The following TDRD3 variants were observed in gnomAD, a reference collection of about 807,000 sequenced individuals.
The protein encoded by TDRD3 is tudor domain-containing protein 3.
TDRD3 carries 45 observed loss-of-function variants against 86.7 expected under a neutral mutation model. The ratio of observed to expected loss-of-function variants is 0.52; its 90% CI spans 0.41 to 0.67. TDRD3 has a LOEUF of 0.67. Ranked by LOEUF, TDRD3 falls within the 30% of genes least tolerant of loss-of-function variation. The pLI, the probability that TDRD3 is intolerant of heterozygous loss-of-function variation, is 0.00. For synonymous variants in TDRD3, 298 were observed against 301.7 expected (o/e 0.99, Z 0.13); for missense variants, 814 against 889.0 (o/e 0.92, Z 1.07).
intron 10 of TDRD3, among the ~76,000 whole-genome samples, chr13:60,525,100 A>C (rs1477712984): frequency 6.7e-6 from 1 of 149,464 alleles, no homozygotes; most frequent in Non-Finnish European, 1.5e-5. Context: ...AAAAAAAAAA[A>C]AAAAAAAAAC....
At chr13:60,468,245 G>A (rs575262470) in intron 5 of TDRD3, among the ~76,000 whole-genome samples, 13 of 152,032 alleles carry the variant, frequency 8.6e-5, no homozygotes, top group Non-Finnish European at 1.6e-4. Flanking sequence ...GAGTTGCTTC[G>A]TCTTTCTTTG....
At chr13:60,547,424 G>A in intron 12 of TDRD3, 1 of 985,332 alleles carries the variant, frequency 1.0e-6, no homozygotes, top group Non-Finnish European at 1.2e-6. Context: ...AGCTGGAAAT[G>A]CACAGGAGGA....
At chr13:60,442,430 G>T (rs1955303102) in intron 2 of TDRD3, among the ~76,000 whole-genome samples, 1 of 151,764 alleles carries the variant, frequency 6.6e-6, no homozygotes, top group East Asian at 1.9e-4. Context: ...TGGGTAGGTA[G>T]ATGCTTTGAA....
At position 60,569,325 on chromosome 13, in the gene TDRD3, C is replaced by T. The variant is rs973603897; in HGVS notation, c.*9+1675C>T. Among the ~76,000 whole-genome samples, 17 of 152,068 alleles carry T rather than the reference C, an allele frequency of 1.1e-4. No homozygotes were observed. In the South Asian group the frequency reaches 2.3e-3, roughly 20 times the overall value. On this transcript the variant is annotated intron_variant, in intron 13 of 13. Transcript: ENST00000377881. ...AAGAAAGTAATCCCAATTAAAATAGCTACAAATACAATAAAACACCTAGGA... is the reference window on the plus strand; with the variant it reads ...AAGAAAGTAATCCCAATTAAAATAGTTACAAATACAATAAAACACCTAGGA...
At chr13:60,455,325 G>A (rs1308930384) in intron 3 of TDRD3, among the ~76,000 whole-genome samples, 1 of 152,210 alleles carries the variant, frequency 6.6e-6, no homozygotes, top group African/African-American at 2.4e-5. Flanking sequence ...TTATCTTTCA[G>A]GCTTTTAAAG....
intron 5 of TDRD3, among the ~76,000 whole-genome samples, chr13:60,475,261 TC>T (rs1956161121): frequency 6.6e-6 from 1 of 152,096 alleles, no homozygotes; most frequent in African/African-American, 2.4e-5. Flanking sequence ...CCTTAAGCAG[TC>T]CCCAGTGTCT....
rs1347776792 is a variant in TDRD3, at chr13:60,553,546, T to C, written c.2119-13979T>C. On this transcript the variant is annotated intron_variant, in intron 12 of 13. Coordinates refer to ENST00000377881, the MANE Select transcript of TDRD3 (RefSeq NM_001146070.2). ...TACCTGAGACTGGGTAATTTATTTT[T>C]TTTAAATAAAAAAAAAAAAAAGAGG... Among the ~76,000 whole-genome samples, 3 of 150,192 alleles carry C rather than the reference T, an allele frequency of 2.0e-5. No individual in the cohort carries two copies. The East Asian group carries it at 5.8e-4, about 29-fold the overall frequency.
intron 1 of TDRD3, among the ~76,000 whole-genome samples, chr13:60,411,337 T>C (rs1168180397): frequency 2.0e-5 from 3 of 152,242 alleles, no homozygotes; most frequent in African/African-American, 7.2e-5. Context: ...AATACTTAAA[T>C]AATACATGAC....
At chr13:60,461,047 T>C (rs1955792501) in intron 4 of TDRD3, 1 of 151,824 alleles carries the variant, frequency 6.6e-6, no homozygotes, top group Admixed American at 6.6e-5. Context: ...AATAGTTAAG[T>C]ATATAGTTAC....
intron 13 of TDRD3, among the ~76,000 whole-genome samples, chr13:60,572,726 A>G (rs1338406442): frequency 2.0e-5 from 3 of 152,246 alleles, no homozygotes; most frequent in Admixed American, 6.5e-5. Flanking sequence ...ATAGCTAAGC[A>G]TAGACTACTA....
chr13:60,531,089 GTCACA>G (rs1266909738), intron 11 of TDRD3, among the ~76,000 whole-genome samples: 1 of 152,182 alleles, frequency 6.6e-6, no homozygotes, highest in Non-Finnish European at 1.5e-5. Flanking sequence ...CAGCATCTCT[GTCACA>G]TCTTTACTTA....
intron 3 of TDRD3, among the ~76,000 whole-genome samples, chr13:60,453,239 A>T (rs927086249): frequency 6.6e-6 from 1 of 152,206 alleles, no homozygotes; most frequent in Admixed American, 6.5e-5. Context: ...GAAGGGTAAC[A>T]TACATAAAAT....
At chr13:60,529,264 C>T (rs772247660) in intron 11 of TDRD3, 47 bp downstream of exon 11, 2 of 1,507,946 alleles carry the variant, frequency 1.3e-6, no homozygotes, top group East Asian at 4.5e-5. Context: ...CGAAATGTAA[C>T]ATTCTAGTGG....
Position 60,496,453 on chromosome 13 carries a change from T to C in TDRD3, c.858+1878T>C, listed in dbSNP as rs1409569090. ...GTATTTGTTTCGTTAGATTTGGGATTTTTGGAGTTGGCTGCTTAATATGAT... is the reference window on the plus strand; with the variant it reads ...GTATTTGTTTCGTTAGATTTGGGATCTTTGGAGTTGGCTGCTTAATATGAT... On this transcript the variant is annotated intron_variant, in intron 8 of 13. Coordinates refer to ENST00000377881, the MANE Select transcript of TDRD3 (RefSeq NM_001146070.2). Among the ~76,000 whole-genome samples, 6 of 150,930 alleles carry C rather than the reference T, an allele frequency of 4.0e-5. No homozygotes were observed. In the East Asian group the frequency reaches 1.2e-3, roughly 30 times the overall value.
intron 12 of TDRD3, among the ~76,000 whole-genome samples, chr13:60,542,040 T>C (rs1957829672): frequency 6.6e-6 from 1 of 152,078 alleles, no homozygotes; most frequent in Non-Finnish European, 1.5e-5. Flanking sequence ...TTCAGCATAT[T>C]CTTAAGGAAG....
intron 10 of TDRD3, among the ~76,000 whole-genome samples, chr13:60,526,456 T>A (rs1957435197): frequency 6.6e-6 from 1 of 152,184 alleles, no homozygotes; most frequent in Non-Finnish European, 1.5e-5. Context: ...TTATGGTCAC[T>A]GCTATTCTTC....
chr13:60,525,139 A>G (rs1957391893), intron 10 of TDRD3, among the ~76,000 whole-genome samples: 1 of 121,220 alleles, frequency 8.2e-6, no homozygotes, highest in Non-Finnish European at 1.7e-5. Context: ...TACCTCTGTG[A>G]GTTTATTTTA....
At chr13:60,507,075 G>C (rs1464752226) in intron 8 of TDRD3, among the ~76,000 whole-genome samples, 1 of 152,056 alleles carries the variant, frequency 6.6e-6, no homozygotes, top group Non-Finnish European at 1.5e-5. Flanking sequence ...GATGAAACAG[G>C]CTTTAAACTA....
chr13:60,482,551 A>G (rs934564196), intron 5 of TDRD3, among the ~76,000 whole-genome samples: 1 of 152,220 alleles, frequency 6.6e-6, no homozygotes, highest in African/African-American at 2.4e-5. Flanking sequence ...AAATGATAGT[A>G]TAAGTTGAAA....
Sources: allele counts gnomAD v4.1 joint callset (sites outside exome capture counted in the v4.1 genomes callset), GRCh38; gene constraint gnomAD v4.1.1; transcripts MANE v1.5; gene names NCBI Gene and HGNC (gene_info 2026-07-23, HGNC 2026-07-21).